DGCR2: variants seen among roughly 807,000 people sequenced by gnomAD.
DGCR2 encodes the protein DiGeorge syndrome critical region gene 2, also known as integral membrane protein DGCR2/IDD.
Under a neutral mutation model 51.6 loss-of-function variants are expected in DGCR2, and 24 were observed. The observed-to-expected ratio is 0.47, with a 90% confidence interval of 0.34 to 0.65. DGCR2 has a LOEUF of 0.65. Among genes scored for constraint, DGCR2 ranks in the 30% least tolerant of loss-of-function variants. The pLI is 0.01. For synonymous variants in DGCR2, 340 were observed against 315.4 expected (o/e 1.08, Z -0.82); for missense variants, 765 against 772.1 (o/e 0.99, Z 0.11).
intron 1 of DGCR2, among the ~76,000 whole-genome samples, chr22:19,090,692 A>C (rs1402372420): frequency 3.2e-4 from 48 of 152,224 alleles, no homozygotes; most frequent in Non-Finnish European, 3.4e-4. Flanking sequence ...ACTACAGGTA[A>C]AGTGGTCCAT....
chr22:19,044,219 C>T (rs895676905), intron 7 of DGCR2, among the ~76,000 whole-genome samples: 2 of 152,186 alleles, frequency 1.3e-5, no homozygotes, highest in Non-Finnish European at 2.9e-5. Context: ...AAGAAGAGAG[C>T]CTGCCCCAGA....
At chr22:19,062,779 A>ACACTCTCT (rs1555903895) in intron 5 of DGCR2, among the ~76,000 whole-genome samples, 2 of 127,354 alleles carry the variant, frequency 1.6e-5, no homozygotes, top group Non-Finnish European at 1.8e-5. Flanking sequence ...ATGCATGCTC[A>ACACTCTCT]CTCTCTCTCT....
At chr22:19,065,372 G>C (rs910585927) in intron 3 of DGCR2, among the ~76,000 whole-genome samples, 1 of 152,162 alleles carries the variant, frequency 6.6e-6, no homozygotes, top group African/African-American at 2.4e-5. Context: ...TCATTCTCTG[G>C]GTTAACAACA....
At chr22:19,051,446 A>C (rs961876520) in intron 6 of DGCR2, among the ~76,000 whole-genome samples, 1 of 152,222 alleles carries the variant, frequency 6.6e-6, no homozygotes, top group Admixed American at 6.5e-5. Flanking sequence ...CCACAGTTTA[A>C]AAAAGAACAA....
chr22:19,039,441 G>C (rs761734075), intron 9 of DGCR2, among the ~76,000 whole-genome samples: 47 of 152,208 alleles, frequency 3.1e-4, no homozygotes, highest in Non-Finnish European at 5.4e-4. Context: ...GCAGTCACTA[G>C]AACAGAGGGG....
intron 3 of DGCR2, among the ~76,000 whole-genome samples, chr22:19,067,194 G>C (rs2082759393): frequency 6.6e-6 from 1 of 152,130 alleles, no homozygotes; most frequent in Non-Finnish European, 1.5e-5. Context: ...CAGGCCCAAG[G>C]CAGGGCAGCA....
At chr22:19,093,487 A>G (rs886659982) in intron 1 of DGCR2, among the ~76,000 whole-genome samples, 2 of 152,220 alleles carry the variant, frequency 1.3e-5, no homozygotes, top group African/African-American at 2.4e-5. Context: ...TACCTTTAAT[A>G]TATCTACCAA....
chr22:19,107,281 G>A (rs1450294068), intron 1 of DGCR2, among the ~76,000 whole-genome samples: 4 of 152,162 alleles, frequency 2.6e-5, no homozygotes, highest in East Asian at 1.9e-4. Context: ...CAGCTCTCCT[G>A]CAACAGTGGA....
intron 2 of DGCR2, among the ~76,000 whole-genome samples, chr22:19,083,790 T>C (rs748264557): frequency 1.6e-3 from 236 of 145,974 alleles, no homozygotes; most frequent in Non-Finnish European, 2.5e-3. Flanking sequence ...ACTGTACTGC[T>C]GCCATCTCGG....
At chr22:19,058,583 T>C (rs773813273) in intron 5 of DGCR2, among the ~76,000 whole-genome samples, 18 of 152,190 alleles carry the variant, frequency 1.2e-4, no homozygotes, top group Admixed American at 3.9e-4. Flanking sequence ...TTCTTCACTA[T>C]TTGCCTTCTT....
intron 3 of DGCR2, among the ~76,000 whole-genome samples, chr22:19,066,410 AAAAC>A (rs1003438958): frequency 1.9e-4 from 29 of 151,822 alleles, no homozygotes; most frequent in Admixed American, 1.6e-3. Context: ...TGTCTGAAAA[AAAAC>A]AAACAAAAAA....
At chr22:19,096,110 C>G (rs2083137048) in intron 1 of DGCR2, among the ~76,000 whole-genome samples, 1 of 152,224 alleles carries the variant, frequency 6.6e-6, no homozygotes, top group South Asian at 2.1e-4. Context: ...GACCAAGAAC[C>G]TGGAACCCTC....
chr22:19,095,999 C>T (rs1465203082), intron 1 of DGCR2, among the ~76,000 whole-genome samples: 4 of 152,138 alleles, frequency 2.6e-5, no homozygotes, highest in Admixed American at 2.0e-4. Context: ...CCAGGGCTTG[C>T]CCCATGACTG....
intron 6 of DGCR2, among the ~76,000 whole-genome samples, chr22:19,051,582 C>A (rs1447466821): frequency 6.6e-6 from 1 of 152,104 alleles, no homozygotes; most frequent in Non-Finnish European, 1.5e-5. Flanking sequence ...AAAACTTAGC[C>A]AGGCATGACG....
chr22:19,086,865 A>G (rs1201783041), intron 2 of DGCR2, among the ~76,000 whole-genome samples: 1 of 152,216 alleles, frequency 6.6e-6, no homozygotes, highest in Non-Finnish European at 1.5e-5. Flanking sequence ...CTTGCCTTCA[A>G]CAAGTCTTCA....
chr22:19,055,596 T>C (rs117636177), intron 6 of DGCR2, among the ~76,000 whole-genome samples: 2,115 of 151,990 alleles, frequency 0.014, 37 homozygotes, highest in South Asian at 0.059. Flanking sequence ...AACAAACCCA[T>C]CTAAATAGAA....
At position 19,063,725 on chromosome 22, in the gene DGCR2, G is replaced by C. The variant is rs568969558; in HGVS notation, c.549-447C>G. On this transcript the variant is annotated intron_variant, in intron 4 of 9. Transcript: ENST00000263196. Reference sequence around the variant, plus strand: ...CAAAACAAGAAAGTTCACAGGGCAGGAAAAGTTTTATCTCAGGGAACTCTT... The same window carrying C: ...CAAAACAAGAAAGTTCACAGGGCAGCAAAAGTTTTATCTCAGGGAACTCTT... Among the ~76,000 whole-genome samples the C allele has an allele frequency of 3.3e-5, 5 of 152,142 alleles. No individual in the cohort carries two copies. The South Asian group carries it at 1.0e-3, about 32-fold the overall frequency.
intron 2 of DGCR2, among the ~76,000 whole-genome samples, chr22:19,074,998 C>T (rs1407191986): frequency 6.6e-6 from 1 of 152,200 alleles, no homozygotes; most frequent in Non-Finnish European, 1.5e-5. Context: ...TCCAAGGATA[C>T]AATCTTTCAT....
chr22:19,073,872 G>A (rs2082843675), intron 2 of DGCR2, among the ~76,000 whole-genome samples: 1 of 152,140 alleles, frequency 6.6e-6, no homozygotes, highest in Admixed American at 6.5e-5. Context: ...CCAAACACCA[G>A]AGGTTCCAAC....
Sources: gnomAD v4.1 joint callset for allele counts (sites outside exome capture counted in the v4.1 genomes callset) on GRCh38, gnomAD v4.1.1 for gene constraint, MANE v1.5 for transcripts, NCBI Gene and HGNC (gene_info 2026-07-23, HGNC 2026-07-21) for gene names.